The following ESYT2 variants were observed in gnomAD, a reference collection of about 807,000 sequenced individuals.
ESYT2 encodes extended synaptotagmin 2.
In ESYT2, 54 loss-of-function variants were observed where a neutral mutation model predicts 107.2. That is an observed-to-expected ratio of 0.50 (90% confidence interval 0.40 to 0.63). The LOEUF (loss-of-function observed/expected upper bound fraction) is 0.63. Among genes scored for constraint, ESYT2 ranks in the 30% least tolerant of loss-of-function variants. The probability of loss-of-function intolerance (pLI) is 0.00; values close to 1 mark genes in which losing one functional copy is unlikely to be tolerated. For synonymous variants in ESYT2, 491 were observed against 434.1 expected (o/e 1.13, Z -1.63); for missense variants, 1,020 against 1,094.5 (o/e 0.93, Z 0.96).
intron 1 of ESYT2, among the ~76,000 whole-genome samples, chr7:158,823,080 C>G (rs1840331578): frequency 6.6e-6 from 1 of 151,810 alleles, no homozygotes; most frequent in South Asian, 2.1e-4. Context: ...ATTGCCTGAG[C>G]TTAGGAGTTC....
At chr7:158,776,203 C>T (rs941649152) in intron 6 of ESYT2, among the ~76,000 whole-genome samples, 1 of 151,618 alleles carries the variant, frequency 6.6e-6, no homozygotes, top group South Asian at 2.1e-4. Flanking sequence ...GTAGATATAG[C>T]GTGATTCTTA....
chr7:158,766,522 G>A (rs1196144061), intron 8 of ESYT2, among the ~76,000 whole-genome samples: 1 of 152,150 alleles, frequency 6.6e-6, no homozygotes, highest in Non-Finnish European at 1.5e-5. Flanking sequence ...GCTGTTGAAT[G>A]CCAGCGATAT....
At chr7:158,786,405 C>G (rs1355736145) in intron 6 of ESYT2, among the ~76,000 whole-genome samples, 1 of 151,930 alleles carries the variant, frequency 6.6e-6, no homozygotes, top group Non-Finnish European at 1.5e-5. Flanking sequence ...ACATAGAGGA[C>G]TTTTAATGAC....
intron 1 of ESYT2, among the ~76,000 whole-genome samples, chr7:158,803,573 T>C (rs987443420): frequency 7.9e-5 from 12 of 152,246 alleles, no homozygotes; most frequent in African/African-American, 2.2e-4. Context: ...ATGTTTTATA[T>C]TGTTCTCTCT....
chr7:158,781,081 GAACA>G (rs1287848975), intron 6 of ESYT2, among the ~76,000 whole-genome samples: 2 of 152,196 alleles, frequency 1.3e-5, no homozygotes, highest in Non-Finnish European at 2.9e-5. Flanking sequence ...GCAAATGTGA[GAACA>G]AATGTGAGAC....
chr7:158,759,102 C>G (rs1270927966), intron 13 of ESYT2, among the ~76,000 whole-genome samples: 1 of 152,158 alleles, frequency 6.6e-6, no homozygotes, highest in Admixed American at 6.5e-5. Flanking sequence ...CACGGCCCTG[C>G]GACAGCCATG....
At chr7:158,746,233 C>T (rs902837707) in intron 16 of ESYT2, among the ~76,000 whole-genome samples, 2 of 140,684 alleles carry the variant, frequency 1.4e-5, no homozygotes, top group African/African-American at 5.6e-5. Flanking sequence ...TAAATAGACA[C>T]ACACACACAC....
chr7:158,752,545 G>C (rs1837619836), intron 14 of ESYT2, among the ~76,000 whole-genome samples: 1 of 152,146 alleles, frequency 6.6e-6, no homozygotes, highest in African/African-American at 2.4e-5. Flanking sequence ...GTTGCCTAAA[G>C]CCAACAGGAA....
chr7:158,790,069 G>A (rs1033433743), intron 4 of ESYT2, among the ~76,000 whole-genome samples: 20 of 142,912 alleles, frequency 1.4e-4, no homozygotes, highest in Admixed American at 2.8e-4. Flanking sequence ...GGGGCGGAGC[G>A]TCCTCCTGGG....
At chr7:158,824,283 C>T (rs1012353026) in intron 1 of ESYT2, among the ~76,000 whole-genome samples, 1 of 152,166 alleles carries the variant, frequency 6.6e-6, no homozygotes, top group African/African-American at 2.4e-5. Flanking sequence ...AACCACATGA[C>T]CACTCGGATT....
In ESYT2 at chr7:158,761,463, T is replaced by C. The variant is rs745718894; in HGVS notation, c.1233+33A>G. On this transcript the variant is annotated intron_variant, in intron 11 of 22. Coordinates refer to ENST00000275418, the MANE Select transcript of ESYT2 (RefSeq NM_001367773.1). The stretch of plus-strand genomic sequence containing the variant: ...CACAGGGCAGGGACTCAGTCAACAA[T>C]TGTAAACAGACCCACACTCCAGGGA... 1.6e-5 allele frequency: 25 copies of C among 1,611,276 alleles called. No homozygotes were observed. The East Asian group carries it at 2.5e-4, about 16-fold the overall frequency.
chr7:158,793,561 G>C, intron 4 of ESYT2, 89 bp downstream of exon 4: 1 of 910,356 alleles, frequency 1.1e-6, no homozygotes, highest in South Asian at 1.4e-5. Context: ...GGTAAGACGT[G>C]TGCTCACTGT....
chr7:158,735,606 A>T lies in ESYT2; in HGVS notation c.2402T>A (p.Phe801Tyr). Residue 801 changes from phenylalanine to tyrosine, a missense_variant and splice_region_variant, in exon 21 of 23, where the codon TTT becomes TAT. Coordinates refer to ENST00000275418, the MANE Select transcript of ESYT2 (RefSeq NM_001367773.1). Reference protein sequence around the residue: ...KTLNPVFDQSFDFSVSLPEVQ... With the variant: ...KTLNPVFDQSYDFSVSLPEVQ... Reference sequence around the variant, plus strand: ...TTCTGGTAACGAAACACTGAAATCAAAGCTGAAATAGGAAACGAGAGCCTT... The same window carrying T: ...TTCTGGTAACGAAACACTGAAATCATAGCTGAAATAGGAAACGAGAGCCTT... 10 of 1,612,880 alleles carry T rather than the reference A, an allele frequency of 6.2e-6. No homozygotes were observed. Among genetic ancestry groups the T allele is most frequent in the Non-Finnish European group, 8.5e-6 (10 of 1,178,912 alleles).
At chr7:158,736,128 C>A (rs34925038) in intron 20 of ESYT2, among the ~76,000 whole-genome samples, 1 of 152,096 alleles carries the variant, frequency 6.6e-6, no homozygotes, top group Non-Finnish European at 1.5e-5. Flanking sequence ...GTCTCTCCTC[C>A]GGGCTGCGGG....
chr7:158,775,786 G>T (rs1838541233), intron 6 of ESYT2, among the ~76,000 whole-genome samples: 1 of 152,068 alleles, frequency 6.6e-6, no homozygotes, highest in African/African-American at 2.4e-5. Flanking sequence ...GTCTCCTCAT[G>T]AATCACTAGT....
intron 14 of ESYT2, among the ~76,000 whole-genome samples, chr7:158,751,652 G>A (rs1282640715): frequency 6.6e-6 from 1 of 152,044 alleles, no homozygotes; most frequent in Admixed American, 6.6e-5. Context: ...ACTTTCATAC[G>A]TATTCTTTTA....
chr7:158,765,381 A>T (rs1425579343), intron 8 of ESYT2, among the ~76,000 whole-genome samples: 2 of 152,218 alleles, frequency 1.3e-5, no homozygotes, highest in Non-Finnish European at 2.9e-5. Flanking sequence ...TCCTGTCATT[A>T]AACTTATTTT....
intron 14 of ESYT2, among the ~76,000 whole-genome samples, chr7:158,751,608 A>AATT (rs1297278760): frequency 2.0e-5 from 3 of 149,676 alleles, no homozygotes; most frequent in Non-Finnish European, 4.5e-5. Flanking sequence ...ATAATATAAC[A>AATT]ATTATAATAT....
At chr7:158,819,438 G>A (rs1840232149) in intron 1 of ESYT2, among the ~76,000 whole-genome samples, 1 of 152,048 alleles carries the variant, frequency 6.6e-6, no homozygotes, top group Non-Finnish European at 1.5e-5. Flanking sequence ...ATGTCTATCA[G>A]ACATCATTTA....
Sources: gnomAD v4.1 joint callset for allele counts (sites outside exome capture counted in the v4.1 genomes callset) on GRCh38, gnomAD v4.1.1 for gene constraint, MANE v1.5 for transcripts, NCBI Gene and HGNC (gene_info 2026-07-23, HGNC 2026-07-21) for gene names.